CHM: variants seen among roughly 807,000 people sequenced by gnomAD.
CHM encodes rab proteins geranylgeranyltransferase component A 1.
A neutral mutation model predicts 49.0 loss-of-function variants in CHM; 10 were observed. That is an observed-to-expected ratio of 0.20 (90% CI 0.13 to 0.35). The LOEUF is 0.35. Among genes scored for constraint, CHM ranks in the 10% least tolerant of loss-of-function variants. The pLI, the probability that CHM is intolerant of heterozygous loss-of-function variation, is 1.00. For missense variants in CHM, 455 were observed against 478.4 expected (o/e 0.95, Z 0.46); for synonymous variants, 184 against 167.5 (o/e 1.10, Z -0.76).
chrX:85,972,612 C>T (rs1400575120), intron 4 of CHM, among the ~76,000 whole-genome samples: 2 of 113,136 alleles, frequency 1.8e-5, no homozygotes, highest in African/African-American at 6.4e-5. Context: ...TGCTAAGCCC[C>T]TCACTGCCCG....
chrX:86,016,211 G>C (rs966077504), intron 2 of CHM, among the ~76,000 whole-genome samples: 4 of 111,046 alleles, frequency 3.6e-5, no homozygotes, highest in African/African-American at 1.3e-4. Flanking sequence ...GGGCATAAAA[G>C]TTCAGAAAAT....
chrX:86,039,818 AG>A (rs1225369633), intron 1 of CHM, among the ~76,000 whole-genome samples: 1 of 111,602 alleles, frequency 9.0e-6, no homozygotes, highest in East Asian at 2.8e-4. Context: ...GCTGGACATC[AG>A]AGAGAAGTGG....
At chrX:85,997,767 T>C (rs1185289127) in intron 2 of CHM, among the ~76,000 whole-genome samples, 1 of 111,120 alleles carries the variant, frequency 9.0e-6, no homozygotes, top group African/African-American at 3.3e-5. Flanking sequence ...CTGGCCAACA[T>C]GGTGAAATCC....
intron 8 of CHM, among the ~76,000 whole-genome samples, chrX:85,951,072 A>G (rs776208655): frequency 8.9e-6 from 1 of 112,083 alleles, no homozygotes; most frequent in Admixed American, 9.5e-5. Flanking sequence ...TTATTTTCAG[A>G]TACACACAAC....
chrX:85,904,209 A>T, intron 9 of CHM, among the ~76,000 whole-genome samples: 1 of 111,464 alleles, frequency 9.0e-6, no homozygotes, highest in East Asian at 2.8e-4. Context: ...TAAACCACGT[A>T]AGATTTAGTT....
In CHM at chrX:85,921,308, G is replaced by A. The variant is rs754722715; in HGVS notation, c.1167-9970C>T. On this transcript the variant is annotated intron_variant, in intron 8 of 14. Transcript: ENST00000357749. ...AAGGACAATTAAGCAACCAAAGATG[G>A]CAAACATCTCTGAGATGTCAGGTAG... Among the ~76,000 whole-genome samples the A allele has an allele frequency of 2.7e-5, 3 of 111,429 alleles. No homozygotes were observed. The South Asian group carries it at 1.1e-3, about 42-fold the overall frequency.
intron 13 of CHM, among the ~76,000 whole-genome samples, chrX:85,874,212 C>T (rs1924278745): frequency 9.0e-6 from 1 of 111,694 alleles, no homozygotes; most frequent in Non-Finnish European, 1.9e-5. Context: ...CTATTTCTTG[C>T]TAATTTGATA....
At chrX:86,008,130 C>A (rs967565006) in intron 2 of CHM, among the ~76,000 whole-genome samples, 17 of 111,440 alleles carry the variant, frequency 1.5e-4, no homozygotes, top group Non-Finnish European at 2.8e-4. Context: ...AGCTGGAAAC[C>A]ATCATTCTCA....
At chrX:86,024,729 G>A (rs1933735440) in intron 2 of CHM, among the ~76,000 whole-genome samples, 2 of 112,378 alleles carry the variant, frequency 1.8e-5, no homozygotes, top group South Asian at 7.4e-4. Flanking sequence ...ATAGTACCTA[G>A]AAGAGATCAA....
At chrX:85,915,034 AT>A (rs200243902) in intron 8 of CHM, among the ~76,000 whole-genome samples, 3 of 110,694 alleles carry the variant, frequency 2.7e-5, no homozygotes, top group Non-Finnish European at 5.7e-5. Context: ...AAATAAAAAA[AT>A]ATAAAAGCAA....
chrX:85,876,818 G>GT (rs1924446580), intron 13 of CHM, among the ~76,000 whole-genome samples: 2 of 111,130 alleles, frequency 1.8e-5, no homozygotes, highest in African/African-American at 6.5e-5. Flanking sequence ...TAAGATTAAT[G>GT]TTTAAAAATC....
At chrX:85,897,251 AAAG>A (rs1216932780) in intron 11 of CHM, among the ~76,000 whole-genome samples, 1 of 101,057 alleles carries the variant, frequency 9.9e-6, no homozygotes, top group Non-Finnish European at 2.0e-5. Flanking sequence ...TATGAAATAG[AAAG>A]TAGTATATAT....
At chrX:86,035,605 A>G (rs1934202522) in intron 1 of CHM, among the ~76,000 whole-genome samples, 1 of 110,790 alleles carries the variant, frequency 9.0e-6, no homozygotes, top group Non-Finnish European at 1.9e-5. Flanking sequence ...ACGTGATGTA[A>G]GTGTTAAGCA....
At position 85,864,194 on chromosome X, in the gene CHM, T is replaced by C. The variant is rs950836832; in HGVS notation, c.*436A>G. 1 of 144,574 alleles carries C rather than the reference T, an allele frequency of 6.9e-6. No individual in the cohort carries two copies. The highest frequency in any genetic ancestry group is 3.2e-5 in the African/African-American group (1 of 31,611). 11.9% of individuals were successfully genotyped at this position (144,574 alleles called of 1,213,427 possible). On this transcript the variant is annotated 3_prime_UTR_variant, in exon 15 of 15. Transcript: ENST00000357749. ...GTTTTTCTATATGTTTTTATCATTA[T>C]GTTATGATGCTCTTGTCCATAAAGA...
intron 8 of CHM, among the ~76,000 whole-genome samples, chrX:85,930,429 A>T (rs56169997): frequency 1.8e-5 from 2 of 111,222 alleles, no homozygotes; most frequent in East Asian, 2.9e-4. Flanking sequence ...CAAGTCCCCA[A>T]GGTCAAAGTT....
At chrX:85,912,306 C>A (rs1927075842) in intron 8 of CHM, among the ~76,000 whole-genome samples, 1 of 111,164 alleles carries the variant, frequency 9.0e-6, no homozygotes, top group Admixed American at 9.5e-5. Context: ...TAAGACTAAC[C>A]AAGGCCACAT....
In CHM at chrX:85,956,129, C is replaced by T. The variant is rs772219225; in HGVS notation, c.1166+24G>A. On this transcript the variant is annotated intron_variant, in intron 8 of 14. Transcript: ENST00000357749. Reference sequence around the variant, plus strand: ...ATTCAAGTATCACTTTTAGAAGGGACAAGAAAATCAATGGCAAACTTACCT... The same window carrying T: ...ATTCAAGTATCACTTTTAGAAGGGATAAGAAAATCAATGGCAAACTTACCT... The T allele has an allele frequency of 6.9e-6, 8 of 1,165,707 alleles. No individual in the cohort carries two copies. The African/African-American group carries it at 1.1e-4, about 16-fold the overall frequency.
chrX:85,979,565 G>A (rs746898050), intron 3 of CHM, among the ~76,000 whole-genome samples: 8 of 111,801 alleles, frequency 7.2e-5, no homozygotes, highest in African/African-American at 9.7e-5. Flanking sequence ...ATTTTATGGA[G>A]TATTTGAATA....
intron 8 of CHM, among the ~76,000 whole-genome samples, chrX:85,911,746 ACTC>A (rs1239768820): frequency 3.6e-5 from 4 of 110,976 alleles, no homozygotes; most frequent in African/African-American, 1.3e-4. Context: ...ACTCTGGAAA[ACTC>A]CTAGATATTT....
Sources: allele counts gnomAD v4.1 joint callset (sites outside exome capture counted in the v4.1 genomes callset), GRCh38; gene constraint gnomAD v4.1.1; transcripts MANE v1.5; gene names NCBI Gene and HGNC (gene_info 2026-07-23, HGNC 2026-07-21).